MSRA: variants seen among roughly 807,000 people sequenced by gnomAD.
The protein encoded by MSRA is methionine sulfoxide reductase A, also known as mitochondrial peptide methionine sulfoxide reductase.
Under a neutral mutation model 31.3 loss-of-function variants are expected in MSRA, and 54 were observed. The ratio of observed to expected loss-of-function variants is 1.73; its 90% confidence interval spans 1.39 to 2.17. The LOEUF (loss-of-function observed/expected upper bound fraction) is 2.17. Among genes scored for constraint, MSRA ranks in the 30% most tolerant of loss-of-function variants. The pLI is 0.00. For missense variants in MSRA, 507 were observed against 300.9 expected (o/e 1.69, Z -5.07); for synonymous variants, 169 against 116.5 (o/e 1.45, Z -2.90).
At chr8:10,140,335 C>G (rs1181003095) in intron 1 of MSRA, among the ~76,000 whole-genome samples, 1 of 152,178 alleles carries the variant, frequency 6.6e-6, no homozygotes, top group Admixed American at 6.5e-5. Context: ...GAGTAGCCTT[C>G]CTGCTTCTGC....
At chr8:10,117,816 C>T (rs994128858) in intron 1 of MSRA, among the ~76,000 whole-genome samples, 6 of 152,062 alleles carry the variant, frequency 3.9e-5, no homozygotes, top group African/African-American at 1.4e-4. Context: ...TCAGAGAAAC[C>T]CTAAATTTAC....
At chr8:10,377,038 C>G (rs1805794357) in intron 5 of MSRA, among the ~76,000 whole-genome samples, 1 of 152,226 alleles carries the variant, frequency 6.6e-6, no homozygotes, top group African/African-American at 2.4e-5. Context: ...AGATCTGACT[C>G]AGGTTCCTCA....
chr8:10,075,659 G>C (rs1304524704), intron 1 of MSRA, among the ~76,000 whole-genome samples: 2 of 152,178 alleles, frequency 1.3e-5, no homozygotes, highest in Non-Finnish European at 2.9e-5. Flanking sequence ...AAAAGACATT[G>C]TTTTATGTTC....
intron 5 of MSRA, among the ~76,000 whole-genome samples, chr8:10,356,059 C>G (rs574620226): frequency 1.3e-5 from 2 of 152,168 alleles, no homozygotes; most frequent in Admixed American, 1.3e-4. Flanking sequence ...CCTGAAGGCC[C>G]TTCATGTATC....
chr8:10,135,195 G>A (rs1392955533), intron 1 of MSRA, among the ~76,000 whole-genome samples: 1 of 152,210 alleles, frequency 6.6e-6, no homozygotes, highest in Non-Finnish European at 1.5e-5. Context: ...TCCTATATAA[G>A]CAATACCTGC....
intron 1 of MSRA, among the ~76,000 whole-genome samples, chr8:10,150,137 T>G (rs1472506587): frequency 6.6e-6 from 1 of 151,800 alleles, no homozygotes; most frequent in Non-Finnish European, 1.5e-5. Flanking sequence ...GCAGAGAAGT[T>G]CTAAGGGGGT....
At chr8:10,421,919 T>TA (rs1808836958) in intron 5 of MSRA, among the ~76,000 whole-genome samples, 1 of 152,118 alleles carries the variant, frequency 6.6e-6, no homozygotes, top group African/African-American at 2.4e-5. Context: ...GAGGGCAGGA[T>TA]AGGCAGGCTA....
chr8:10,203,831 T>A (rs1808716800), intron 1 of MSRA, among the ~76,000 whole-genome samples: 1 of 152,230 alleles, frequency 6.6e-6, no homozygotes, highest in Non-Finnish European at 1.5e-5. Flanking sequence ...AGCGTGTTAT[T>A]GCCTCTAAAG....
At chr8:10,336,065 G>A (rs1803023164) in intron 5 of MSRA, among the ~76,000 whole-genome samples, 1 of 152,130 alleles carries the variant, frequency 6.6e-6, no homozygotes, top group South Asian at 2.1e-4. Flanking sequence ...GGCTCTAGGA[G>A]GAAGATCGCT....
At chr8:10,370,809 G>A (rs1049698362) in intron 5 of MSRA, among the ~76,000 whole-genome samples, 8 of 152,196 alleles carry the variant, frequency 5.3e-5, no homozygotes, top group African/African-American at 1.9e-4. Flanking sequence ...GCTCCTGGCT[G>A]GCCATGTGGA....
chr8:10,111,842 C>A (rs1800312995), intron 1 of MSRA, among the ~76,000 whole-genome samples: 1 of 152,156 alleles, frequency 6.6e-6, no homozygotes, highest in African/African-American at 2.4e-5. Context: ...GTAGGTCTCA[C>A]ACAACTGCCC....
intron 3 of MSRA, among the ~76,000 whole-genome samples, chr8:10,300,708 G>T (rs1331196606): frequency 6.6e-6 from 1 of 152,112 alleles, no homozygotes; most frequent in South Asian, 2.1e-4. Flanking sequence ...CTACACATAA[G>T]GTGACTGAAA....
chr8:10,094,721 G>A (rs1799034341), intron 1 of MSRA, among the ~76,000 whole-genome samples: 3 of 152,292 alleles, frequency 2.0e-5, no homozygotes, highest in African/African-American at 7.2e-5. Context: ...AGTGTGTGAA[G>A]CACAGACTGG....
At chr8:10,147,324 C>T (rs1349763081) in intron 1 of MSRA, among the ~76,000 whole-genome samples, 1 of 152,246 alleles carries the variant, frequency 6.6e-6, no homozygotes, top group East Asian at 1.9e-4. Context: ...GGGCTGGCCA[C>T]CGAGCCTAGG....
intron 1 of MSRA, among the ~76,000 whole-genome samples, chr8:10,170,042 ATT>A (rs59946635): frequency 8.9e-5 from 8 of 90,376 alleles, no homozygotes; most frequent in Admixed American, 1.3e-4. Context: ...CCTGGCTAAT[ATT>A]TTTTTTTTTT....
At chr8:10,260,634 G>C (rs1486913485) in intron 3 of MSRA, among the ~76,000 whole-genome samples, 1 of 152,100 alleles carries the variant, frequency 6.6e-6, no homozygotes, top group Admixed American at 6.5e-5. Flanking sequence ...CAACATACCT[G>C]GGCAGAGGTA....
chr8:10,116,388 C>T (rs927333008), intron 1 of MSRA, among the ~76,000 whole-genome samples: 2 of 152,202 alleles, frequency 1.3e-5, no homozygotes, highest in Non-Finnish European at 2.9e-5. Flanking sequence ...TAATGCATCA[C>T]ATAGTTCATT....
Position 10,090,634 on chromosome 8 carries a change from A to T in MSRA, c.142+35976A>T, listed in dbSNP as rs9644717. On this transcript the variant is annotated intron_variant, in intron 1 of 5. Transcript: ENST00000317173. Reference sequence around the variant, plus strand: ...GTGCAGACATCACCATTAAACCGTGAAAATGTTTGGTTCACTCCAAAAGGA... The same window carrying T: ...GTGCAGACATCACCATTAAACCGTGTAAATGTTTGGTTCACTCCAAAAGGA... Among the ~76,000 whole-genome samples the T allele has an allele frequency of 6.6e-4, 101 of 152,332 alleles. 1 individual carries two copies. The East Asian group carries it at 0.017, about 26-fold the overall frequency.
chr8:10,217,925 C>G (rs995299379), intron 2 of MSRA, among the ~76,000 whole-genome samples: 1 of 152,086 alleles, frequency 6.6e-6, no homozygotes, highest in African/African-American at 2.4e-5. Flanking sequence ...ACCCTTCTTT[C>G]TCTCTTTCCC....
Sources: allele counts gnomAD v4.1 joint callset (sites outside exome capture counted in the v4.1 genomes callset), GRCh38; gene constraint gnomAD v4.1.1; transcripts MANE v1.5; gene names NCBI Gene and HGNC (gene_info 2026-07-23, HGNC 2026-07-21).